The following HS3ST5 variants were observed in gnomAD, a reference collection of about 807,000 sequenced individuals.
HS3ST5 encodes heparan sulfate-glucosamine 3-sulfotransferase 5, also known as heparan sulfate glucosamine 3-O-sulfotransferase 5.
HS3ST5 carries 10 observed loss-of-function variants against 25.4 expected under a neutral mutation model. The ratio of observed to expected loss-of-function variants is 0.39; its 90% CI spans 0.24 to 0.67. The LOEUF is 0.67. Among genes scored for constraint, HS3ST5 ranks in the 30% least tolerant of loss-of-function variants. The pLI, the probability that HS3ST5 is intolerant of heterozygous loss-of-function variation, is 0.44. For missense variants in HS3ST5, 324 were observed against 420.7 expected, an observed-to-expected ratio of 0.77 and a Z score of 2.01; for synonymous variants, 170 against 162.4, an observed-to-expected ratio of 1.05 and a Z score of -0.36.
chr6:114,293,318 G>A (rs1774666436), intron 1 of HS3ST5, among the ~76,000 whole-genome samples: 1 of 152,118 alleles, frequency 6.6e-6, no homozygotes. Flanking sequence ...AGTTTAAGAT[G>A]GAAAGTGGTT....
intron 3 of HS3ST5, among the ~76,000 whole-genome samples, chr6:114,091,029 A>G (rs943199653): frequency 2.0e-5 from 3 of 152,202 alleles, no homozygotes; most frequent in Non-Finnish European, 4.4e-5. Context: ...GGGGAGAAAA[A>G]AACTATTTCT....
intron 1 of HS3ST5, among the ~76,000 whole-genome samples, chr6:114,281,526 C>T (rs1411770294): frequency 3.9e-5 from 6 of 151,922 alleles, no homozygotes; most frequent in Non-Finnish European, 7.4e-5. Flanking sequence ...TTTCCAATCA[C>T]CTGTGGCCAC....
intron 2 of HS3ST5, among the ~76,000 whole-genome samples, chr6:114,218,973 C>T (rs1781900954): frequency 6.6e-6 from 1 of 152,132 alleles, no homozygotes; most frequent in Non-Finnish European, 1.5e-5. Context: ...CTTTACTTCC[C>T]AAATTAGATT....
intron 1 of HS3ST5, among the ~76,000 whole-genome samples, chr6:114,335,802 C>T (rs1389550949): frequency 1.3e-5 from 2 of 152,068 alleles, no homozygotes; most frequent in Non-Finnish European, 2.9e-5. Context: ...TACAGGCATG[C>T]ACCACCATGC....
At position 114,307,751 on chromosome 6, in the gene HS3ST5, C is replaced by A. The variant is rs1053131579; in HGVS notation, c.-339+34444G>T. ...AATAAAATATTGATAGCAATATAAC[C>A]AAGAAAATTTGGAATATGACCGTTT... On this transcript the variant is annotated intron_variant, in intron 1 of 4. Coordinates refer to ENST00000312719, the MANE Select transcript of HS3ST5 (RefSeq NM_153612.4). Among the ~76,000 whole-genome samples the A allele has an allele frequency of 2.6e-5, 4 of 151,688 alleles. No individual in the cohort carries two copies. The East Asian group carries it at 7.7e-4, about 29-fold the overall frequency.
At chr6:114,339,760 G>GT (rs1317836489) in intron 1 of HS3ST5, among the ~76,000 whole-genome samples, 2 of 152,282 alleles carry the variant, frequency 1.3e-5, no homozygotes, top group African/African-American at 4.8e-5. Flanking sequence ...TCAATTCTCT[G>GT]AAGTTGAGTC....
At chr6:114,286,586 C>A (rs1374490780) in intron 1 of HS3ST5, among the ~76,000 whole-genome samples, 1 of 151,592 alleles carries the variant, frequency 6.6e-6, no homozygotes, top group Non-Finnish European at 1.5e-5. Context: ...TATGTTGTAC[C>A]ACAAAGAACC....
chr6:114,302,087 G>T (rs912953874), intron 1 of HS3ST5, among the ~76,000 whole-genome samples: 6 of 152,134 alleles, frequency 3.9e-5, no homozygotes, highest in African/African-American at 1.4e-4. Context: ...ACCCAGAAAG[G>T]TATTGAATGT....
intron 1 of HS3ST5, among the ~76,000 whole-genome samples, chr6:114,338,632 T>C (rs1776705061): frequency 6.6e-6 from 1 of 152,106 alleles, no homozygotes; most frequent in African/African-American, 2.4e-5. Flanking sequence ...TTAGCTACTA[T>C]GAAATGTTTT....
At chr6:114,098,034 T>C (rs1345568961) in intron 3 of HS3ST5, among the ~76,000 whole-genome samples, 1 of 152,008 alleles carries the variant, frequency 6.6e-6, no homozygotes, top group Non-Finnish European at 1.5e-5. Context: ...ACTAGTATAG[T>C]ACTTGGAAAA....
At chr6:114,122,962 G>A (rs2114881927) in intron 3 of HS3ST5, among the ~76,000 whole-genome samples, 1 of 152,226 alleles carries the variant, frequency 6.6e-6, no homozygotes, top group East Asian at 1.9e-4. Context: ...TTGTTTGTTT[G>A]TTTGTTTGAG....
chr6:114,193,063 A>G (rs1481667061), intron 2 of HS3ST5, among the ~76,000 whole-genome samples: 2 of 152,140 alleles, frequency 1.3e-5, no homozygotes, highest in African/African-American at 2.4e-5. Context: ...CTGTCATGCT[A>G]TCATCACAGC....
intron 2 of HS3ST5, among the ~76,000 whole-genome samples, chr6:114,191,870 G>T (rs1215372932): frequency 6.6e-6 from 1 of 152,042 alleles, no homozygotes; most frequent in Admixed American, 6.6e-5. Flanking sequence ...TCATTTAATT[G>T]ATCATGAAGA....
chr6:114,060,807 A>G (rs1028888221), intron 4 of HS3ST5, among the ~76,000 whole-genome samples: 6 of 152,212 alleles, frequency 3.9e-5, no homozygotes, highest in African/African-American at 1.4e-4. Flanking sequence ...ATCCTGCAGA[A>G]TAGTCGCTTT....
At chr6:114,337,027 G>C (rs1776638296) in intron 1 of HS3ST5, among the ~76,000 whole-genome samples, 1 of 152,008 alleles carries the variant, frequency 6.6e-6, no homozygotes, top group African/African-American at 2.4e-5. Flanking sequence ...TCTTCCTTTT[G>C]TCTACTCCTA....
At position 114,232,534 on chromosome 6, in the gene HS3ST5, G is replaced by A. The variant is rs2176738; in HGVS notation, c.-338-3756C>T. Among the ~76,000 whole-genome samples, 528 of 152,094 alleles carry A rather than the reference G, an allele frequency of 3.5e-3. 6 individuals carry two copies. Among genetic ancestry groups the A allele is most frequent in the African/African-American group, 0.012 (497 of 41,500 alleles). On this transcript the variant is annotated intron_variant, in intron 1 of 4. Coordinates refer to ENST00000312719, the MANE Select transcript of HS3ST5 (RefSeq NM_153612.4). ...GAATAGTTGACATGTGAACTTCAAC[G>A]TTTTGAAGACTCTCCAAACTGAATG...
intron 2 of HS3ST5, among the ~76,000 whole-genome samples, chr6:114,215,347 T>G (rs754934840): frequency 9.2e-5 from 14 of 151,812 alleles, no homozygotes; most frequent in Non-Finnish European, 1.6e-4. Context: ...AACAAAAAAC[T>G]CAGGACAGAG....
At chr6:114,101,284 C>A (rs952612140) in intron 3 of HS3ST5, among the ~76,000 whole-genome samples, 2 of 152,140 alleles carry the variant, frequency 1.3e-5, no homozygotes, top group African/African-American at 4.8e-5. Context: ...CTCCAAAGCA[C>A]AAAAGTAACA....
intron 1 of HS3ST5, among the ~76,000 whole-genome samples, chr6:114,328,519 C>T (rs1776262957): frequency 6.6e-6 from 1 of 152,188 alleles, no homozygotes; most frequent in Admixed American, 6.5e-5. Context: ...AAGAAAAACA[C>T]TTTACAGCTA....
Sources: allele counts gnomAD v4.1 joint callset (sites outside exome capture counted in the v4.1 genomes callset), GRCh38; gene constraint gnomAD v4.1.1; transcripts MANE v1.5; gene names NCBI Gene and HGNC (gene_info 2026-07-23, HGNC 2026-07-21).